The following SORCS1 variants were observed in gnomAD, a reference collection of about 807,000 sequenced individuals.
The protein encoded by SORCS1 is sortilin related VPS10 domain containing receptor 1.
Under a neutral mutation model 146.1 loss-of-function variants are expected in SORCS1, and 60 were observed. That is an observed-to-expected ratio of 0.41 (90% confidence interval 0.33 to 0.51). The LOEUF (loss-of-function observed/expected upper bound fraction) is 0.51. SORCS1 is among the 20% of genes least tolerant of loss of function. The pLI, the probability that SORCS1 is intolerant of heterozygous loss-of-function variation, is 0.21. For synonymous variants in SORCS1, 637 were observed against 584.0 expected (o/e 1.09, Z -1.31); for missense variants, 1,352 against 1,487.6 (o/e 0.91, Z 1.50).
chr10:106,591,655 A>G (rs1480945020), intron 24 of SORCS1, among the ~76,000 whole-genome samples: 1 of 152,234 alleles, frequency 6.6e-6, no homozygotes, highest in African/African-American at 2.4e-5. Context: ...AGAAGCTGAT[A>G]TAAAGACATG....
chr10:107,008,112 TGA>T (rs10566479), intron 1 of SORCS1, among the ~76,000 whole-genome samples: 22,648 of 151,520 alleles, frequency 0.15, 5,671 homozygotes, highest in African/African-American at 0.52. Context: ...AGATTCAAAA[TGA>T]GAGGGCAGTT....
intron 1 of SORCS1, among the ~76,000 whole-genome samples, chr10:107,150,778 C>T (rs1968723816): frequency 6.6e-6 from 1 of 152,146 alleles, no homozygotes; most frequent in Non-Finnish European, 1.5e-5. Context: ...TTACAAGGGG[C>T]TTTTCCCCGT....
intron 2 of SORCS1, among the ~76,000 whole-genome samples, chr10:106,931,150 C>T (rs1251303217): frequency 2.0e-5 from 3 of 152,204 alleles, no homozygotes. Context: ...CCCTACCCTT[C>T]TTCTCCTAGA....
chr10:106,818,363 A>G (rs551216527), intron 3 of SORCS1, among the ~76,000 whole-genome samples: 11 of 145,030 alleles, frequency 7.6e-5, no homozygotes, highest in South Asian at 2.2e-4. Context: ...CAAATGGGTC[A>G]TGAGGATTTT....
chr10:106,765,422 GTCTT>G (rs1246275891), intron 4 of SORCS1, among the ~76,000 whole-genome samples: 1 of 151,514 alleles, frequency 6.6e-6, no homozygotes, highest in African/African-American at 2.4e-5. Context: ...CTTGCCATCT[GTCTT>G]TGTTTGCTTT....
At chr10:106,659,126 C>T (rs936835638) in intron 17 of SORCS1, among the ~76,000 whole-genome samples, 1 of 152,240 alleles carries the variant, frequency 6.6e-6, no homozygotes, top group South Asian at 2.1e-4. Context: ...CAGGAATAGA[C>T]TTCCATGGCT....
chr10:106,676,257 A>G (rs1038818699), intron 13 of SORCS1, among the ~76,000 whole-genome samples: 1 of 152,184 alleles, frequency 6.6e-6, no homozygotes, highest in Non-Finnish European at 1.5e-5. Context: ...AAAAGAGCCT[A>G]TTGATAACTC....
intron 2 of SORCS1, among the ~76,000 whole-genome samples, chr10:106,906,637 C>G (rs1951918931): frequency 1.3e-5 from 2 of 152,258 alleles, no homozygotes; most frequent in South Asian, 2.1e-4. Context: ...ATTACCTTCC[C>G]CTGGGTCCCT....
chr10:106,839,857 T>C (rs1438927286), intron 2 of SORCS1, among the ~76,000 whole-genome samples: 1 of 152,194 alleles, frequency 6.6e-6, no homozygotes, highest in African/African-American at 2.4e-5. Flanking sequence ...GCTCTATACA[T>C]GCAGCAATGA....
chr10:106,806,512 T>TTC (rs1947189949), intron 3 of SORCS1, among the ~76,000 whole-genome samples: 1 of 104,596 alleles, frequency 9.6e-6, no homozygotes, highest in African/African-American at 3.7e-5. Flanking sequence ...AGCCTTTTTT[T>TTC]TTTTTTTTTT....
intron 1 of SORCS1, among the ~76,000 whole-genome samples, chr10:107,072,083 G>T (rs1462001342): frequency 6.6e-6 from 1 of 152,222 alleles, no homozygotes; most frequent in East Asian, 1.9e-4. Context: ...CTACAGGAAA[G>T]AACTCCTGCT....
At chr10:106,920,458 A>G (rs1390569019) in intron 2 of SORCS1, among the ~76,000 whole-genome samples, 1 of 152,196 alleles carries the variant, frequency 6.6e-6, no homozygotes, top group African/African-American at 2.4e-5. Context: ...GGCTGAAGAT[A>G]GTAATCAAAA....
At chr10:106,733,358 A>G (rs1323518913) in intron 5 of SORCS1, among the ~76,000 whole-genome samples, 3 of 152,196 alleles carry the variant, frequency 2.0e-5, no homozygotes, top group Non-Finnish European at 4.4e-5. Context: ...GTCCAAGAGT[A>G]TCTCTAGCAG....
intron 2 of SORCS1, among the ~76,000 whole-genome samples, chr10:106,870,393 A>C (rs1950363401): frequency 6.6e-6 from 1 of 152,224 alleles, no homozygotes. Flanking sequence ...AATCTTAAGC[A>C]AATAGAACAA....
intron 23 of SORCS1, chr10:106,600,529 T>C (rs1336494815): frequency 1.4e-5 from 14 of 985,208 alleles, no homozygotes; most frequent in Admixed American, 6.1e-5. Flanking sequence ...ATATTTTAGA[T>C]GTTTTCCACA....
intron 3 of SORCS1, among the ~76,000 whole-genome samples, chr10:106,795,431 G>C (rs1475187681): frequency 2.6e-5 from 4 of 152,046 alleles, no homozygotes; most frequent in Non-Finnish European, 5.9e-5. Context: ...TCTTAGAACT[G>C]GATCTAGAAT....
At chr10:106,928,717 T>C (rs1953220030) in intron 2 of SORCS1, among the ~76,000 whole-genome samples, 1 of 152,068 alleles carries the variant, frequency 6.6e-6, no homozygotes, top group South Asian at 2.1e-4. Flanking sequence ...ACATAGACTA[T>C]TAGCAGAGGT....
chr10:106,991,604 T>C lies in SORCS1; in HGVS notation c.559-35024A>G, dbSNP rs575593508. 1.9e-4 allele frequency among the ~76,000 whole-genome samples: 29 copies of C among 152,320 alleles called. No homozygotes were observed. The Middle Eastern group carries it at 0.01, about 54-fold the overall frequency. On this transcript the variant is annotated intron_variant, in intron 1 of 25. Transcript: ENST00000263054. ...GAAACAGAGTCAACAGAACCAAGAA[T>C]GGGTAAATCCATGATTTTTGGCTTT...
chr10:106,677,157 T>C (rs1852090286), intron 13 of SORCS1, among the ~76,000 whole-genome samples, 156 bp downstream of exon 13: 1 of 152,166 alleles, frequency 6.6e-6, no homozygotes, highest in Admixed American at 6.6e-5. Context: ...TGGATTGGCT[T>C]TTTGTGTGGA....
Sources: gnomAD v4.1 joint callset for allele counts (sites outside exome capture counted in the v4.1 genomes callset) on GRCh38, gnomAD v4.1.1 for gene constraint, MANE v1.5 for transcripts, NCBI Gene and HGNC (gene_info 2026-07-23, HGNC 2026-07-21) for gene names.